Variants in ABCG1 observed in about 807,000 individuals in gnomAD.
The protein encoded by ABCG1 is ATP-binding cassette sub-family G member 1.
ABCG1 carries 29 observed loss-of-function variants against 69.2 expected under a neutral mutation model. The ratio of observed to expected loss-of-function variants is 0.42; its 90% CI spans 0.31 to 0.57. The LOEUF is 0.57. ABCG1 is among the 20% of genes least tolerant of loss of function. The pLI is 0.15. For missense variants in ABCG1, 718 were observed against 898.1 expected, an observed-to-expected ratio of 0.80 and a Z score of 2.56; for synonymous variants, 370 against 374.8, an observed-to-expected ratio of 0.99 and a Z score of 0.15.
chr21:42,282,415 A>G lies in ABCG1; in HGVS notation c.730A>G (p.Thr244Ala), dbSNP rs778148942. The G allele has an allele frequency of 6.2e-7, 1 of 1,611,562 alleles. No individual in the cohort carries two copies. The highest frequency in any genetic ancestry group is 8.5e-7 in the Non-Finnish European group (1 of 1,178,108). Residue 244 changes from threonine to alanine, a missense_variant, in exon 6 of 15, where the codon ACC (threonine) becomes GCC (alanine). Physicochemically the swap from Thr to Ala is moderately conservative, Grantham distance 58. Around this residue, in one of 2 missense-constraint regions of ABCG1, gnomAD observed 514 missense variants for 574.3 expected, o/e 0.90. Transcript: ENST00000398449. ...NPPVMFFDEP[T>A]SGLDSASCFQ... The stretch of plus-strand genomic sequence containing the variant: ...TCCAGTCATGTTCTTCGATGAGCCC[A>G]CCAGGTAAGTCAGGAGCATCTGAGC...
chr21:42,220,106 A>T (rs1216258841), intron 1 of ABCG1: 2 of 1,466,938 alleles, frequency 1.4e-6, no homozygotes, highest in African/African-American at 1.4e-5. Flanking sequence ...GGCATTAGGA[A>T]CAAACAACAA....
intron 2 of ABCG1, chr21:42,256,176 C>T (rs778941166): frequency 6.2e-5 from 88 of 1,419,308 alleles, no homozygotes; most frequent in Non-Finnish European, 7.8e-5. Context: ...CCTTTTAGGG[C>T]TGCTGCGATC....
At chr21:42,271,706 AC>A (rs2123732804) in intron 3 of ABCG1, among the ~76,000 whole-genome samples, 1 of 152,088 alleles carries the variant, frequency 6.6e-6, no homozygotes, top group Non-Finnish European at 1.5e-5. Context: ...ACATGATGAA[AC>A]CCCATCTCTA....
Position 42,294,933 on chromosome 21 carries a change from C to T in ABCG1, c.1772+273C>T, listed in dbSNP as rs2069174882. The T allele has an allele frequency of 1.1e-4, 43 of 404,246 alleles. 1 individual carries two copies. The South Asian group carries it at 1.1e-3, about 10-fold the overall frequency. The allele number at this position is 404,246 out of a possible 1,614,324, so 25.0% of individuals were successfully genotyped here. The stretch of plus-strand genomic sequence containing the variant: ...GTGTTCTGGACGTTGCCGAGAGCTG[C>T]CTTCGGTGGAAGCGCTTCCATCTTT... On this transcript the variant is annotated intron_variant, in intron 14 of 14. Transcript: ENST00000398449.
rs1363832342 is a variant in ABCG1, at chr21:42,287,331, C to T, written c.974-558C>T. Among the ~76,000 whole-genome samples, 1 of 152,126 alleles carries T rather than the reference C, an allele frequency of 6.6e-6. No homozygotes were observed. Among genetic ancestry groups the T allele is most frequent in the East Asian group, 1.9e-4 (1 of 5,188 alleles). ...ACGATTGGGATGCGAGAGGCAGGAG[C>T]AGCGGGCAGGGCCGGTGCAGGAGAC... is the stretch of plus-strand genomic sequence containing the variant. On this transcript the variant is annotated intron_variant, in intron 8 of 14. Transcript: ENST00000398449. The surrounding 1 kb of genome is among the most constrained non-coding windows in gnomAD (Gnocchi z 6.2).
At position 42,271,086 on chromosome 21, in the gene ABCG1, GA is replaced by G; in HGVS notation, c.306del (p.Gly103GlufsTer25). 1 of 1,554,418 alleles carries G rather than the reference GA, an allele frequency of 6.4e-7. No individual in the cohort carries two copies. The highest frequency in any genetic ancestry group is 8.7e-7 in the Non-Finnish European group (1 of 1,155,044). ...WRKKGYKTLL[K>X]GISGKFNSGE... ...TTTTTGCAGGATACAAGACCCTCCT[GA>G]AAGGAATTTCCGGGAAGTTCAATAG... On this transcript the variant is annotated frameshift_variant, in exon 3 of 15. Transcript: ENST00000398449. LOFTEE classifies it high-confidence loss of function.
intron 2 of ABCG1, among the ~76,000 whole-genome samples, chr21:42,242,497 G>A (rs1192543714): frequency 1.3e-5 from 2 of 152,190 alleles, no homozygotes; most frequent in Non-Finnish European, 2.9e-5. Context: ...CAGAGACCCT[G>A]TCCCTAAAAA....
intron 2 of ABCG1, among the ~76,000 whole-genome samples, chr21:42,230,669 G>A (rs3827225): frequency 0.19 from 28,847 of 152,230 alleles, 3,205 homozygotes; most frequent in Middle Eastern, 0.3. Flanking sequence ...ATTCACACAA[G>A]GGTCTCATTT....
intron 13 of ABCG1, among the ~76,000 whole-genome samples, chr21:42,293,074 C>CT (rs1206760028): frequency 7.6e-6 from 1 of 131,496 alleles, no homozygotes. Flanking sequence ...ACACTACACA[C>CT]ACACCACACA....
chr21:42,257,505 C>T (rs182054458), intron 2 of ABCG1, among the ~76,000 whole-genome samples: 1 of 152,316 alleles, frequency 6.6e-6, no homozygotes, highest in African/African-American at 2.4e-5. Context: ...CATCCCCCTT[C>T]CACCTGAAGC....
At chr21:42,274,669 T>G (rs995010404) in intron 4 of ABCG1, among the ~76,000 whole-genome samples, 1 of 152,044 alleles carries the variant, frequency 6.6e-6, no homozygotes, top group Non-Finnish European at 1.5e-5. Context: ...GAGATGGGGT[T>G]TCACTATGTT....
upstream of ABCG1, among the ~76,000 whole-genome samples, chr21:42,218,359 G>A (rs2067665844): frequency 6.6e-6 from 1 of 152,212 alleles, no homozygotes; most frequent in Admixed American, 6.5e-5. Flanking sequence ...TAGAGATGCT[G>A]GACCATCTGA....
intron 1 of ABCG1, among the ~76,000 whole-genome samples, chr21:42,200,237 G>A (rs916084113): frequency 6.6e-6 from 1 of 152,232 alleles, no homozygotes; most frequent in Non-Finnish European, 1.5e-5. Flanking sequence ...AGCATGTGCG[G>A]CCAGCCGGGC....
chr21:42,225,567 T>G, intron 1 of ABCG1, 104 bp from the exon 2 acceptor site: 1 of 1,415,482 alleles, frequency 7.1e-7, no homozygotes, highest in South Asian at 1.3e-5. Context: ...GAAGAAGTGT[T>G]GCTATTAATA....
chr21:42,289,190 C>T (rs1191214027), intron 10 of ABCG1, among the ~76,000 whole-genome samples: 1 of 152,170 alleles, frequency 6.6e-6, no homozygotes, highest in Non-Finnish European at 1.5e-5. Context: ...GTACGTGTCT[C>T]CCTCCATCAA....
rs1213731101 is a variant in ABCG1 at position 42,219,179 on chromosome 21, C to A, written c.-84C>A. The A allele has an allele frequency of 5.0e-5, 60 of 1,205,218 alleles. No individual in the cohort carries two copies. Among genetic ancestry groups the A allele is most frequent in the Non-Finnish European group, 6.3e-5 (60 of 959,214 alleles). The allele number at this position is 1,205,218 out of a possible 1,614,324, so 74.7% of individuals were successfully genotyped here. On this transcript the variant is annotated 5_prime_UTR_variant, in exon 1 of 15. Transcript: ENST00000398449. This position sits in a 1 kb window ranked among gnomAD's most constrained non-coding sequence, Gnocchi z 5.3. ...GCCCGCACCCCGCGCAGCGGCTGAGCCGGGAGCCAGCGCAGCCTCGGCCCC... is the reference window on the plus strand; with the variant it reads ...GCCCGCACCCCGCGCAGCGGCTGAGACGGGAGCCAGCGCAGCCTCGGCCCC...
At chr21:42,249,481 T>G (rs2068185445) in intron 2 of ABCG1, among the ~76,000 whole-genome samples, 1 of 152,196 alleles carries the variant, frequency 6.6e-6, no homozygotes, top group South Asian at 2.1e-4. Flanking sequence ...GGTGCCTCAG[T>G]TTTCTCATCT....
intron 1 of ABCG1, among the ~76,000 whole-genome samples, chr21:42,200,401 TG>T (rs1776301767): frequency 1.3e-5 from 2 of 152,164 alleles, no homozygotes; most frequent in Non-Finnish European, 2.9e-5. Flanking sequence ...GATCAAGTGT[TG>T]GGCATGAATA....
intron 2 of ABCG1, among the ~76,000 whole-genome samples, chr21:42,269,113 C>T (rs560013008): frequency 1.3e-5 from 2 of 152,312 alleles, no homozygotes; most frequent in South Asian, 2.1e-4. Context: ...AGTGACCAGG[C>T]GTCTTCAGGC....
Sources: gnomAD v4.1 joint callset for allele counts (sites outside exome capture counted in the v4.1 genomes callset) on GRCh38, gnomAD v4.1.1 for gene constraint, gnomAD v4.1.1 regional missense constraint, Gnocchi (gnomAD v3.1) non-coding constraint, MANE v1.5 for transcripts, NCBI Gene and HGNC (gene_info 2026-07-23, HGNC 2026-07-21) for gene names.